The following ACSBG1 variants were observed in gnomAD, a reference collection of about 807,000 sequenced individuals.
ACSBG1 encodes the protein acyl-CoA synthetase bubblegum family member 1, also known as long-chain-fatty-acid--CoA ligase ACSBG1.
ACSBG1 carries 39 observed loss-of-function variants against 80.2 expected under a neutral mutation model. The ratio of observed to expected loss-of-function variants is 0.49; its 90% CI spans 0.38 to 0.64. ACSBG1 has a LOEUF of 0.64. Among genes scored for constraint, ACSBG1 ranks in the 30% least tolerant of loss-of-function variants. The pLI, the probability that ACSBG1 is intolerant of heterozygous loss-of-function variation, is 0.00. For missense variants in ACSBG1, 828 were observed against 966.4 expected, an observed-to-expected ratio of 0.86 and a Z score of 1.90; for synonymous variants, 392 against 379.5, an observed-to-expected ratio of 1.03 and a Z score of -0.38.
intron 1 of ACSBG1, among the ~76,000 whole-genome samples, chr15:78,210,199 G>A (rs2075255716): frequency 1.3e-5 from 2 of 152,192 alleles, no homozygotes; most frequent in Non-Finnish European, 2.9e-5. Flanking sequence ...GTCAATGAGA[G>A]GGTGGACCGT....
chr15:78,207,395 T>C (rs1393967867), intron 2 of ACSBG1, among the ~76,000 whole-genome samples: 1 of 152,120 alleles, frequency 6.6e-6, no homozygotes, highest in Non-Finnish European at 1.5e-5. Context: ...GTTTTTAAAT[T>C]TCTGTTGTTG....
At chr15:78,196,589 G>A (rs780885874) in intron 2 of ACSBG1, among the ~76,000 whole-genome samples, 14 of 152,062 alleles carry the variant, frequency 9.2e-5, no homozygotes, top group Non-Finnish European at 1.5e-4. Flanking sequence ...ACTACAGTAC[G>A]ACCCAACAAC....
intron 1 of ACSBG1, among the ~76,000 whole-genome samples, chr15:78,232,362 CA>C (rs1231259904): frequency 6.6e-6 from 1 of 152,224 alleles, no homozygotes; most frequent in Non-Finnish European, 1.5e-5. Context: ...TCCCAAGACC[CA>C]TTTACCCTTT....
intron 1 of ACSBG1, among the ~76,000 whole-genome samples, chr15:78,229,726 A>G (rs563502652): frequency 6.6e-6 from 1 of 151,920 alleles, no homozygotes; most frequent in African/African-American, 2.4e-5. Context: ...TCCTGCCTCC[A>G]CCTCACCCCT....
chr15:78,218,135 T>C (rs527581629), intron 1 of ACSBG1, among the ~76,000 whole-genome samples: 2 of 152,216 alleles, frequency 1.3e-5, no homozygotes, highest in Admixed American at 1.3e-4. Flanking sequence ...ACTTAACCCA[T>C]TTGTAAAATG....
At chr15:78,232,348 G>A (rs1335406422) in intron 1 of ACSBG1, among the ~76,000 whole-genome samples, 3 of 152,156 alleles carry the variant, frequency 2.0e-5, no homozygotes, top group South Asian at 2.1e-4. Context: ...CTTTCCCTAC[G>A]GGGTCCCAAG....
In ACSBG1 at chr15:78,178,709, G is replaced by A; in HGVS notation, c.1607C>T (p.Thr536Ile). ...GCCTTCCTCGTCGATGGCCTCACAA[G>A]TCTTGTCCTCCATGTTCAGGTAGCC... is the stretch of plus-strand genomic sequence containing the variant. The part of the protein sequence containing the change: ...FMGYLNMEDK[T>I]CEAIDEEGWL... The change falls in exon 11 of 14, where the codon ACT becomes ATT. Residue 536 changes from threonine to isoleucine, a missense_variant. Physicochemically the swap from Thr to Ile is moderately conservative, Grantham distance 89. Coordinates refer to ENST00000258873, the MANE Select transcript of ACSBG1 (RefSeq NM_015162.5). This position sits in a 1 kb window ranked among gnomAD's most constrained non-coding sequence, Gnocchi z 4.3. 1 of 1,614,162 alleles carries A rather than the reference G, an allele frequency of 6.2e-7. No homozygotes were observed. The highest frequency in any genetic ancestry group is 8.5e-7 in the Non-Finnish European group (1 of 1,180,020).
intron 5 of ACSBG1, among the ~76,000 whole-genome samples, chr15:78,190,714 T>C (rs185669886): frequency 6.6e-6 from 1 of 152,098 alleles, no homozygotes; most frequent in Admixed American, 6.5e-5. Context: ...AAGTATACTG[T>C]TGTATGGTTC....
intron 2 of ACSBG1, among the ~76,000 whole-genome samples, chr15:78,207,203 T>C (rs562737700): frequency 1.3e-5 from 2 of 152,210 alleles, no homozygotes; most frequent in Non-Finnish European, 2.9e-5. Context: ...GTTGGTCCTC[T>C]TCTTGGCCCA....
At chr15:78,208,210 G>C (rs1189476514) in intron 1 of ACSBG1, 108 bp from the exon 2 acceptor site, 4 of 782,870 alleles carry the variant, frequency 5.1e-6, no homozygotes, top group Non-Finnish European at 8.7e-6. Flanking sequence ...GGGGGACACT[G>C]GCACCTCTGT....
chr15:78,212,149 T>C (rs1160180043), intron 1 of ACSBG1, among the ~76,000 whole-genome samples: 3 of 152,182 alleles, frequency 2.0e-5, no homozygotes, highest in Non-Finnish European at 2.9e-5. Context: ...GTGTATGAAG[T>C]AGGTGCTCAA....
chr15:78,174,402 T>G lies in ACSBG1; in HGVS notation c.1825A>C (p.Met609Leu), dbSNP rs201965765. The stretch of plus-strand genomic sequence containing the variant: ...AGACACACCTTCAAGGTGAGCAGCA[T>G]GGACAGGAACTTCCTCTGGTCCCCA... ...LIGDQRKFLS[M>L]LLTLKCTLDP... is the part of the protein sequence containing the mutation. The change falls in exon 12 of 14, where the codon ATG becomes CTG. Residue 609 changes from methionine (M) to leucine (L), a missense_variant. Physicochemically the swap from Met to Leu is conservative, Grantham distance 15 (BLOSUM62 2). Around this residue, in one of 3 missense-constraint regions of ACSBG1, gnomAD observed 201 missense variants for 227.0 expected, o/e 0.89. Coordinates refer to ENST00000258873, the MANE Select transcript of ACSBG1 (RefSeq NM_015162.5). 4 of 1,614,178 alleles carry G rather than the reference T, an allele frequency of 2.5e-6. No individual in the cohort carries two copies. In the East Asian group the frequency reaches 8.9e-5, roughly 36 times the overall value.
intron 1 of ACSBG1, among the ~76,000 whole-genome samples, chr15:78,226,808 T>TATATATATATAATATATATAATATAC: frequency 6.9e-6 from 1 of 145,318 alleles, no homozygotes; most frequent in Admixed American, 6.9e-5. Flanking sequence ...ATATAATATA[T>TATATATATATAATATATATAATATAC]ATATATGACC....
In ACSBG1 at chr15:78,178,706, C is replaced by T; in HGVS notation, c.1610G>A (p.Cys537Tyr). ...MGYLNMEDKT[C>Y]EAIDEEGWLH... ...CCAGCCTTCCTCGTCGATGGCCTCA[C>T]AAGTCTTGTCCTCCATGTTCAGGTA... is the stretch of plus-strand genomic sequence containing the variant. The change falls in exon 11 of 14, where the codon TGT (cysteine) becomes TAT (tyrosine). Residue 537 changes from cysteine (C) to tyrosine (Y), a missense_variant. By Grantham distance (194) the Cys-to-Tyr change is radical. Transcript: ENST00000258873. The surrounding 1 kb of genome is among the most constrained non-coding windows in gnomAD (Gnocchi z 4.3). 6.2e-7 allele frequency: 1 copy of T among 1,614,128 alleles called. No individual in the cohort carries two copies. The highest frequency in any genetic ancestry group is 8.5e-7 in the Non-Finnish European group (1 of 1,180,010).
chr15:78,173,770 T>G lies in ACSBG1; in HGVS notation c.1912A>C (p.Arg638=). Reference sequence around the variant, plus strand: ...ACTGTGGTGGCTCTGCTGCCCACCCTCTGGCAGAACTCCATAGCTTGTTCA... The same window carrying G: ...ACTGTGGTGGCTCTGCTGCCCACCCGCTGGCAGAACTCCATAGCTTGTTCA... The part of the protein sequence containing the change: ...LTEQAMEFCQ[R]VGSRATTVSE... Residue 638 remains arginine, a synonymous_variant, in exon 13 of 14, where the codon AGG becomes CGG. Coordinates refer to ENST00000258873, the MANE Select transcript of ACSBG1 (RefSeq NM_015162.5). 1 of 1,614,172 alleles carries G rather than the reference T, an allele frequency of 6.2e-7. No homozygotes were observed. Among genetic ancestry groups the G allele is most frequent in the Non-Finnish European group, 8.5e-7 (1 of 1,180,024 alleles).
chr15:78,203,423 A>G (rs1393712669), intron 2 of ACSBG1, among the ~76,000 whole-genome samples: 1 of 152,258 alleles, frequency 6.6e-6, no homozygotes, highest in Non-Finnish European at 1.5e-5. Context: ...CCAATGCAGC[A>G]CCACCAGCAC....
At position 78,177,505 on chromosome 15, in the gene ACSBG1, T is replaced by TCCC. The variant is rs1366839846; in HGVS notation, c.1702+1106_1702+1108dup. Among the ~76,000 whole-genome samples the TCCC allele has an allele frequency of 6.6e-6, 1 of 152,076 alleles. No individual in the cohort carries two copies. Among genetic ancestry groups the TCCC allele is most frequent in the African/African-American group, 2.4e-5 (1 of 41,416 alleles). ...GAATTTGGTTTTCTGGCTACTATCC[T>TCCC]CCCCCATGCAGGGATGTGGGTCCCC... is the stretch of plus-strand genomic sequence containing the variant. On this transcript the variant is annotated intron_variant, in intron 11 of 13. Transcript: ENST00000258873. The surrounding 1 kb of genome is among the most constrained non-coding windows in gnomAD (Gnocchi z 4.1).
chr15:78,193,306 T>TC (rs1295381193), intron 5 of ACSBG1, among the ~76,000 whole-genome samples, 200 bp downstream of exon 5: 1 of 152,220 alleles, frequency 6.6e-6, no homozygotes, highest in South Asian at 2.1e-4. Context: ...CTGGGGCATG[T>TC]CCCTTGAGCC....
chr15:78,232,685 TTC>T (rs2075456361), intron 1 of ACSBG1, among the ~76,000 whole-genome samples: 1 of 151,340 alleles, frequency 6.6e-6, no homozygotes, highest in African/African-American at 2.4e-5. Context: ...TTTCTTTTTC[TTC>T]TTTTTTTTTT....
Sources: gnomAD v4.1 joint callset for allele counts (sites outside exome capture counted in the v4.1 genomes callset) on GRCh38, gnomAD v4.1.1 for gene constraint, gnomAD v4.1.1 regional missense constraint, Gnocchi (gnomAD v3.1) non-coding constraint, MANE v1.5 for transcripts, NCBI Gene and HGNC (gene_info 2026-07-23, HGNC 2026-07-21) for gene names.